Variants in AMOTL1 observed in about 807,000 individuals in gnomAD.
AMOTL1 encodes the protein angiomotin-like protein 1.
A neutral mutation model predicts 102.9 loss-of-function variants in AMOTL1; 45 were observed. The ratio of observed to expected loss-of-function variants is 0.44; its 90% confidence interval spans 0.34 to 0.56. The LOEUF (loss-of-function observed/expected upper bound fraction) is 0.56, where lower values mean the gene tolerates loss of function less well. Ranked by LOEUF, AMOTL1 falls within the 20% of genes least tolerant of loss-of-function variation. AMOTL1 has a pLI of 0.01. For missense variants in AMOTL1, 1,114 were observed against 1,225.6 expected, an observed-to-expected ratio of 0.91 and a Z score of 1.36; for synonymous variants, 481 against 484.7, an observed-to-expected ratio of 0.99 and a Z score of 0.10.
upstream of AMOTL1, among the ~76,000 whole-genome samples, chr11:94,765,739 A>G (rs1280549323): frequency 6.6e-6 from 1 of 152,184 alleles, no homozygotes; most frequent in Non-Finnish European, 1.5e-5. Flanking sequence ...TCTGGCTTCC[A>G]TGCCTTTACC....
At position 94,807,155 on chromosome 11, in the gene AMOTL1, C is replaced by A. The variant is rs576469119; in HGVS notation, c.1121+6844C>A. Among the ~76,000 whole-genome samples, 10 of 152,178 alleles carry A rather than the reference C, an allele frequency of 6.6e-5. No homozygotes were observed. The East Asian group carries it at 1.2e-3, about 18-fold the overall frequency. ...TACAGATAACTCCCATTCCGCCCCC[C>A]AAAAGAAAGAAAATAGAAATTGCCT... On this transcript the variant is annotated intron_variant, in intron 3 of 12. Transcript: ENST00000433060.
intron 3 of AMOTL1, among the ~76,000 whole-genome samples, chr11:94,807,859 C>A (rs1303597348): frequency 7.2e-6 from 1 of 138,440 alleles, no homozygotes; most frequent in Non-Finnish European, 1.5e-5. Context: ...GCTGCAGTTC[C>A]CAGATTGCGA....
intron 1 of AMOTL1, among the ~76,000 whole-genome samples, chr11:94,718,906 T>C (rs922414219): frequency 7.2e-5 from 11 of 152,004 alleles, no homozygotes; most frequent in Non-Finnish European, 1.3e-4. Flanking sequence ...AATCTGTCTA[T>C]AGTTATTTTG....
chr11:94,864,546 G>C (rs1211837046), intron 9 of AMOTL1, among the ~76,000 whole-genome samples, 189 bp from the exon 10 acceptor site: 1 of 152,164 alleles, frequency 6.6e-6, no homozygotes, highest in African/African-American at 2.4e-5. Flanking sequence ...ACCTTTCTCT[G>C]TATGGGCATC....
intron 1 of AMOTL1, among the ~76,000 whole-genome samples, chr11:94,788,912 G>A (rs909170840): frequency 1.3e-5 from 2 of 152,136 alleles, no homozygotes; most frequent in Non-Finnish European, 2.9e-5. Flanking sequence ...AATAGGTGTC[G>A]GGGTCTTGAT....
chr11:94,737,457 ACT>A (rs1396998684), intron 2 of AMOTL1, among the ~76,000 whole-genome samples: 3 of 151,772 alleles, frequency 2.0e-5, no homozygotes, highest in African/African-American at 7.3e-5. Flanking sequence ...ACAGTGTGAC[ACT>A]CTCTCTCCTA....
intron 1 of AMOTL1, among the ~76,000 whole-genome samples, chr11:94,771,996 ATT>A (rs1950960265): frequency 6.6e-6 from 1 of 152,004 alleles, no homozygotes; most frequent in Non-Finnish European, 1.5e-5. Flanking sequence ...CTATTTTTTC[ATT>A]TTGTTTTTAA....
In AMOTL1 at chr11:94,830,142, C is replaced by T; in HGVS notation, c.1506C>T (p.Asn502=). ...KRESLDKAMR[N]KLEGEIRRLH... The stretch of plus-strand genomic sequence containing the variant: ...AATCGCTGGACAAGGCCATGAGAAA[C>T]AAATTGGAAGGCGAGATTAGAAGAC... The change falls in exon 5 of 13, where the codon AAC becomes AAT. Residue 502 remains asparagine (N), a synonymous_variant. Transcript: ENST00000433060. The T allele has an allele frequency of 6.2e-7, 1 of 1,611,084 alleles. No individual in the cohort carries two copies. The highest frequency in any genetic ancestry group is 8.5e-7 in the Non-Finnish European group (1 of 1,178,674).
At chr11:94,747,565 C>T (rs1410851850) in intron 3 of AMOTL1, among the ~76,000 whole-genome samples, 3 of 152,194 alleles carry the variant, frequency 2.0e-5, no homozygotes, top group Non-Finnish European at 4.4e-5. Flanking sequence ...CCAGTCTCCT[C>T]CTACCCCCTT....
At chr11:94,794,797 G>T (rs1951336577) in intron 1 of AMOTL1, among the ~76,000 whole-genome samples, 1 of 152,188 alleles carries the variant, frequency 6.6e-6, no homozygotes, top group Non-Finnish European at 1.5e-5. Flanking sequence ...GTGTCTTGAG[G>T]ACTGTTATGT....
intron 1 of AMOTL1, among the ~76,000 whole-genome samples, chr11:94,775,543 A>T (rs796731173): frequency 5.3e-5 from 8 of 151,926 alleles, no homozygotes; most frequent in Non-Finnish European, 1.5e-5. Context: ...CTATGTTTTT[A>T]AAGTTCTAGA....
chr11:94,843,528 T>C (rs1334160134), intron 6 of AMOTL1, among the ~76,000 whole-genome samples: 1 of 152,196 alleles, frequency 6.6e-6, no homozygotes, highest in Non-Finnish European at 1.5e-5. Flanking sequence ...TTACCTTTGG[T>C]ATCAACAAGG....
chr11:94,855,818 A>G (rs910947730), intron 8 of AMOTL1, among the ~76,000 whole-genome samples: 7 of 152,226 alleles, frequency 4.6e-5, no homozygotes, highest in African/African-American at 1.7e-4. Context: ...TTCCTCAGGC[A>G]GGCAAAAACA....
intron 1 of AMOTL1, among the ~76,000 whole-genome samples, chr11:94,770,261 G>A (rs1474078450): frequency 6.6e-6 from 1 of 152,178 alleles, no homozygotes; most frequent in Admixed American, 6.5e-5. Context: ...GCCTTATAGT[G>A]TGTATCTACT....
intron 9 of AMOTL1, among the ~76,000 whole-genome samples, chr11:94,861,079 TTGG>T (rs1952765406): frequency 6.6e-6 from 1 of 151,886 alleles, no homozygotes; most frequent in African/African-American, 2.4e-5. Flanking sequence ...AAATGACCGT[TTGG>T]GAATCATTTT....
At chr11:94,782,861 A>C (rs1951132175) in intron 1 of AMOTL1, among the ~76,000 whole-genome samples, 2 of 152,360 alleles carry the variant, frequency 1.3e-5, no homozygotes, top group South Asian at 2.1e-4. Context: ...AAGATATTAA[A>C]GGAATTTGCA....
chr11:94,805,430 G>A (rs1435192548), intron 3 of AMOTL1, among the ~76,000 whole-genome samples: 1 of 152,174 alleles, frequency 6.6e-6, no homozygotes, highest in Non-Finnish European at 1.5e-5. Context: ...CATTCCTAGG[G>A]TGAGGGTTGT....
intron 3 of AMOTL1, 63 bp downstream of exon 3, chr11:94,800,374 T>C (rs1258793290): frequency 1.0e-5 from 15 of 1,476,002 alleles, no homozygotes; most frequent in Non-Finnish European, 1.3e-5. Flanking sequence ...GTTATTAGCA[T>C]TTATTATTTT....
intron 1 of AMOTL1, among the ~76,000 whole-genome samples, chr11:94,773,955 G>T (rs1950989338): frequency 6.6e-6 from 1 of 152,202 alleles, no homozygotes; most frequent in African/African-American, 2.4e-5. Flanking sequence ...CTTGCTGTGT[G>T]ACCTCGGAAT....
Sources: allele counts gnomAD v4.1 joint callset (sites outside exome capture counted in the v4.1 genomes callset), GRCh38; gene constraint gnomAD v4.1.1; transcripts MANE v1.5; gene names NCBI Gene and HGNC (gene_info 2026-07-23, HGNC 2026-07-21).